Variants in KLHL1 observed in about 807,000 individuals in gnomAD.
KLHL1 encodes kelch-like protein 1.
Under a neutral mutation model 77.7 loss-of-function variants are expected in KLHL1, and 47 were observed. That is an observed-to-expected ratio of 0.60 (90% CI 0.48 to 0.77). The LOEUF is 0.77. Among genes scored for constraint, KLHL1 ranks in the 30% least tolerant of loss-of-function variants. The pLI, the probability that KLHL1 is intolerant of heterozygous loss-of-function variation, is 0.00. For missense variants in KLHL1, 925 were observed against 910.8 expected, an observed-to-expected ratio of 1.02 and a Z score of -0.20; for synonymous variants, 360 against 325.2, an observed-to-expected ratio of 1.11 and a Z score of -1.15.
chr13:69,740,096 T>C (rs1357000943), intron 8 of KLHL1, among the ~76,000 whole-genome samples: 2 of 152,172 alleles, frequency 1.3e-5, no homozygotes, highest in Non-Finnish European at 2.9e-5. Flanking sequence ...AAGAAAGATA[T>C]ATTGAACACC....
intron 1 of KLHL1, among the ~76,000 whole-genome samples, chr13:70,004,743 C>CA (rs1038325019): frequency 2.6e-5 from 4 of 151,564 alleles, no homozygotes; most frequent in African/African-American, 9.7e-5. Context: ...TTATTACACC[C>CA]AAATAACTTT....
At chr13:69,999,392 C>T (rs1487608765) in intron 1 of KLHL1, among the ~76,000 whole-genome samples, 7 of 151,976 alleles carry the variant, frequency 4.6e-5, no homozygotes, top group Admixed American at 6.6e-5. Context: ...CTGCTTTATG[C>T]ATGGGCCTGG....
chr13:69,834,918 T>C (rs1232779773), intron 6 of KLHL1, among the ~76,000 whole-genome samples: 2 of 152,152 alleles, frequency 1.3e-5, no homozygotes, highest in Non-Finnish European at 2.9e-5. Flanking sequence ...AATGGTCATT[T>C]ACATTGTAAT....
At chr13:70,089,073 G>T (rs1887615018) in intron 1 of KLHL1, among the ~76,000 whole-genome samples, 1 of 152,168 alleles carries the variant, frequency 6.6e-6, no homozygotes. Context: ...CTAGCCTAGA[G>T]ACACTTGCCT....
rs543606570 is a variant in KLHL1, at chr13:69,891,368, A to T, written c.1015-8873T>A. On this transcript the variant is annotated intron_variant, in intron 4 of 10. Transcript: ENST00000377844. ...TTATCTCAAAACTGTTTCTAGTATC[A>T]GAAATAATTTCTGGTGACCATCTTT... Among the ~76,000 whole-genome samples the T allele has an allele frequency of 2.0e-5, 3 of 152,228 alleles. No individual in the cohort carries two copies. In the South Asian group the frequency reaches 6.2e-4, roughly 32 times the overall value.
intron 6 of KLHL1, among the ~76,000 whole-genome samples, chr13:69,836,004 C>A (rs962003584): frequency 2.6e-5 from 4 of 151,984 alleles, no homozygotes; most frequent in African/African-American, 9.7e-5. Context: ...AGCTTCAGTT[C>A]ATAGTACAAA....
At chr13:70,101,611 T>C (rs998013385) in intron 1 of KLHL1, among the ~76,000 whole-genome samples, 1 of 152,126 alleles carries the variant, frequency 6.6e-6, no homozygotes. Flanking sequence ...GTATTTTTAG[T>C]AGAGATGGGG....
At chr13:69,735,639 T>C (rs1273850771) in intron 8 of KLHL1, among the ~76,000 whole-genome samples, 1 of 150,750 alleles carries the variant, frequency 6.6e-6, no homozygotes, top group Non-Finnish European at 1.5e-5. Context: ...AGAATAACCA[T>C]GCCAAATTTA....
chr13:70,024,638 C>CTCTCTT (rs1566508889), intron 1 of KLHL1, among the ~76,000 whole-genome samples: 40 of 77,332 alleles, frequency 5.2e-4, no homozygotes, highest in Non-Finnish European at 8.3e-4. Context: ...CTCTCTCTCT[C>CTCTCTT]TCTCTCTCTC....
chr13:69,984,539 G>A (rs1033720022), intron 1 of KLHL1, among the ~76,000 whole-genome samples: 2 of 152,076 alleles, frequency 1.3e-5, no homozygotes, highest in Non-Finnish European at 2.9e-5. Flanking sequence ...GTCACACCTG[G>A]TCCAACCAAT....
At chr13:69,977,797 A>G (rs182208259) in intron 1 of KLHL1, among the ~76,000 whole-genome samples, 17 of 152,304 alleles carry the variant, frequency 1.1e-4, no homozygotes, top group Non-Finnish European at 5.9e-5. Context: ...AGTGTAAACA[A>G]CAACAAAAAA....
chr13:70,073,683 A>G (rs1050012381), intron 1 of KLHL1, among the ~76,000 whole-genome samples: 2 of 152,066 alleles, frequency 1.3e-5, no homozygotes, highest in African/African-American at 4.8e-5. Context: ...ATGTTGAGGT[A>G]GGAGGATTGC....
chr13:70,014,359 C>T (rs1021782810), intron 1 of KLHL1, among the ~76,000 whole-genome samples: 2 of 152,072 alleles, frequency 1.3e-5, no homozygotes, highest in Non-Finnish European at 2.9e-5. Flanking sequence ...GAATGTACAA[C>T]TTTGTCAAAA....
At chr13:70,107,108 C>A (rs1888079795) in intron 1 of KLHL1, 95 bp downstream of exon 1, 1 of 1,502,448 alleles carries the variant, frequency 6.7e-7, no homozygotes, top group Admixed American at 2.3e-5. Context: ...CATTTTCAAC[C>A]TGAAACATTT....
At chr13:70,066,384 G>T (rs1887005697) in intron 1 of KLHL1, among the ~76,000 whole-genome samples, 1 of 152,110 alleles carries the variant, frequency 6.6e-6, no homozygotes. Flanking sequence ...GTGAAACCTA[G>T]AGATAAGAAC....
chr13:69,715,268 T>C (rs141963407), intron 9 of KLHL1, among the ~76,000 whole-genome samples: 1 of 152,196 alleles, frequency 6.6e-6, no homozygotes, highest in Non-Finnish European at 1.5e-5. Context: ...AGGGAGAAAC[T>C]TGGTGGGGGG....
chr13:69,843,408 T>A (rs9542098), intron 5 of KLHL1, among the ~76,000 whole-genome samples: 3 of 151,604 alleles, frequency 2.0e-5, no homozygotes, highest in African/African-American at 7.3e-5. Flanking sequence ...GACATAGATT[T>A]AAATATCTTT....
intron 6 of KLHL1, among the ~76,000 whole-genome samples, chr13:69,809,597 C>A (rs1464898023): frequency 6.6e-6 from 1 of 152,072 alleles, no homozygotes; most frequent in Non-Finnish European, 1.5e-5. Flanking sequence ...CTTGCTATCA[C>A]AAAAGCACAC....
At chr13:69,722,946 T>C (rs1118693) in intron 8 of KLHL1, among the ~76,000 whole-genome samples, 137,093 of 152,052 alleles carry the variant, frequency 0.9, 62,144 homozygotes, top group East Asian at 0.99. Flanking sequence ...AAATGGATAA[T>C]GGAAATGTGC....
Sources: gnomAD v4.1 joint callset for allele counts (sites outside exome capture counted in the v4.1 genomes callset) on GRCh38, gnomAD v4.1.1 for gene constraint, MANE v1.5 for transcripts, NCBI Gene and HGNC (gene_info 2026-07-23, HGNC 2026-07-21) for gene names.